ZNF385D: variants seen among roughly 807,000 people sequenced by gnomAD.
The protein encoded by ZNF385D is zinc finger protein 659.
In ZNF385D, 15 loss-of-function variants were observed where a neutral mutation model predicts 35.8. The observed-to-expected ratio is 0.42, with a 90% CI of 0.28 to 0.64. ZNF385D has a LOEUF of 0.64. Ranked by LOEUF, ZNF385D falls within the 30% of genes least tolerant of loss-of-function variation. The pLI is 0.23. For missense variants in ZNF385D, 474 were observed against 494.6 expected (o/e 0.96, Z 0.39); for synonymous variants, 212 against 186.8 (o/e 1.13, Z -1.10).
chr3:22,178,011 T>C (rs911671085), intron 2 of ZNF385D, among the ~76,000 whole-genome samples: 1 of 152,218 alleles, frequency 6.6e-6, no homozygotes, highest in African/African-American at 2.4e-5. Context: ...TGGTTCCAAG[T>C]CTTTGCTATT....
chr3:22,285,937 A>C (rs770096997), intron 2 of ZNF385D, among the ~76,000 whole-genome samples: 13 of 152,108 alleles, frequency 8.5e-5, no homozygotes, highest in Non-Finnish European at 1.8e-4. Flanking sequence ...AGTTACATAT[A>C]AATTCAGGTG....
intron 2 of ZNF385D, among the ~76,000 whole-genome samples, chr3:22,359,108 A>C (rs1282449725): frequency 6.6e-6 from 1 of 151,448 alleles, no homozygotes; most frequent in Non-Finnish European, 1.5e-5. Flanking sequence ...AACAAAAAAA[A>C]CACTTGATAA....
chr3:22,084,817 T>C (rs12107674), intron 3 of ZNF385D, among the ~76,000 whole-genome samples: 7 of 152,154 alleles, frequency 4.6e-5, no homozygotes, highest in East Asian at 1.9e-4. Flanking sequence ...ATTGACCACA[T>C]AGTTGGAAGT....
rs528449172 is a variant in ZNF385D, at chr3:21,472,391, G to A, written c.440-35188C>T. Among the ~76,000 whole-genome samples the A allele has an allele frequency of 2.0e-5, 3 of 152,202 alleles. No individual in the cohort carries two copies. The South Asian group carries it at 6.2e-4, about 31-fold the overall frequency. The stretch of plus-strand genomic sequence containing the variant: ...AAAATAAGAGCAAAAAAAGTTAGTA[G>A]GGTATCCCTAAATAAAGGTGGTCAA... On this transcript the variant is annotated intron_variant, in intron 4 of 7. Transcript: ENST00000281523.
rs187773899 is a variant in ZNF385D at position 22,044,187 on chromosome 3, T to C, written c.325+124630A>G. Among the ~76,000 whole-genome samples the C allele has an allele frequency of 1.5e-3, 223 of 152,134 alleles. 1 individual carries two copies. The highest frequency in any genetic ancestry group is 5.2e-3 in the African/African-American group (217 of 41,502). On this transcript the variant is annotated intron_variant, in intron 3 of 5. Transcript: ENST00000494108. ...GCATGGATAGTCACAAAAGTACTCC[T>C]TAAAGATGAATTGGCACCAGTGAGG...
At chr3:22,079,780 T>C (rs557882179) in intron 3 of ZNF385D, among the ~76,000 whole-genome samples, 1 of 151,970 alleles carries the variant, frequency 6.6e-6, no homozygotes, top group Non-Finnish European at 1.5e-5. Context: ...GTATATCTAA[T>C]GAGAAAATAA....
chr3:21,943,925 C>T (rs519051), intron 3 of ZNF385D, among the ~76,000 whole-genome samples: 122,264 of 152,120 alleles, frequency 0.8, 49,359 homozygotes, highest in East Asian at 0.98. Flanking sequence ...TTCAATCAAG[C>T]TTCCTTGTCA....
chr3:21,930,531 A>G (rs972690592), intron 3 of ZNF385D, among the ~76,000 whole-genome samples: 23 of 152,124 alleles, frequency 1.5e-4, no homozygotes, highest in Admixed American at 2.6e-4. Context: ...CAGAAAATCT[A>G]AAATAATTTT....
chr3:22,186,704 T>C (rs983221283), intron 2 of ZNF385D, among the ~76,000 whole-genome samples: 1 of 152,132 alleles, frequency 6.6e-6, no homozygotes, highest in African/African-American at 2.4e-5. Context: ...AGCATCTTAC[T>C]TAATTTCATG....
At chr3:22,038,160 G>A (rs1389685673) in intron 3 of ZNF385D, among the ~76,000 whole-genome samples, 1 of 152,136 alleles carries the variant, frequency 6.6e-6, no homozygotes, top group African/African-American at 2.4e-5. Context: ...AGAGCAAATT[G>A]CTGAACTACG....
At chr3:21,957,454 T>G (rs912334034) in intron 3 of ZNF385D, among the ~76,000 whole-genome samples, 21 of 152,130 alleles carry the variant, frequency 1.4e-4, no homozygotes, top group Admixed American at 5.2e-4. Flanking sequence ...ACTAAAAGCC[T>G]GATAGCAATA....
intron 3 of ZNF385D, among the ~76,000 whole-genome samples, chr3:21,760,331 C>T (rs1033206964): frequency 6.6e-6 from 1 of 152,308 alleles, no homozygotes; most frequent in East Asian, 1.9e-4. Flanking sequence ...CTTAATTCAT[C>T]TTGCTGTCAC....
chr3:21,635,220 G>A (rs188421210), intron 2 of ZNF385D, among the ~76,000 whole-genome samples: 182 of 152,118 alleles, frequency 1.2e-3, no homozygotes, highest in African/African-American at 3.2e-3. Flanking sequence ...TATCATCGTA[G>A]AATGAAATGT....
intron 4 of ZNF385D, among the ~76,000 whole-genome samples, chr3:21,481,722 CT>C (rs981599608): frequency 6.6e-6 from 1 of 152,054 alleles, no homozygotes; most frequent in Non-Finnish European, 1.5e-5. Context: ...TTAAGGAAGT[CT>C]TTTTTATTGA....
intron 2 of ZNF385D, among the ~76,000 whole-genome samples, chr3:21,621,537 G>A (rs2065005678): frequency 7.5e-6 from 1 of 133,484 alleles, no homozygotes. Context: ...TGTGTCATCA[G>A]TTAAAAAAAA....
chr3:22,063,386 C>G (rs1053647597), intron 3 of ZNF385D, among the ~76,000 whole-genome samples: 4 of 151,996 alleles, frequency 2.6e-5, no homozygotes, highest in South Asian at 2.1e-4. Flanking sequence ...TTGAATAAAG[C>G]CTCAGAGTTA....
At chr3:21,920,622 CAAA>C (rs71044953) in intron 3 of ZNF385D, among the ~76,000 whole-genome samples, 5 of 129,982 alleles carry the variant, frequency 3.8e-5, no homozygotes, top group Admixed American at 7.7e-5. Flanking sequence ...GATACAATGC[CAAA>C]AAAAAAAAAA....
intron 3 of ZNF385D, among the ~76,000 whole-genome samples, chr3:22,044,156 C>T (rs1250993672): frequency 2.0e-5 from 3 of 150,218 alleles, no homozygotes; most frequent in Non-Finnish European, 4.4e-5. Context: ...TTGTACAGAA[C>T]AGCCTGCATG....
At chr3:22,256,198 C>A (rs530653855) in intron 2 of ZNF385D, among the ~76,000 whole-genome samples, 1 of 146,754 alleles carries the variant, frequency 6.8e-6, no homozygotes. Context: ...TACATACACA[C>A]ATACATATAT....
Sources: gnomAD v4.1 joint callset for allele counts (sites outside exome capture counted in the v4.1 genomes callset) on GRCh38, gnomAD v4.1.1 for gene constraint, MANE v1.5 for transcripts, NCBI Gene and HGNC (gene_info 2026-07-23, HGNC 2026-07-21) for gene names.